The following DOCK8 variants were observed in gnomAD, a reference collection of about 807,000 sequenced individuals.
The protein encoded by DOCK8 is dedicator of cytokinesis protein 8.
Under a neutral mutation model 245.6 loss-of-function variants are expected in DOCK8, and 141 were observed. The ratio of observed to expected loss-of-function variants is 0.57; its 90% confidence interval spans 0.50 to 0.66. The LOEUF (loss-of-function observed/expected upper bound fraction) is 0.66, where lower values mean the gene tolerates loss of function less well. Among genes scored for constraint, DOCK8 ranks in the 30% least tolerant of loss-of-function variants. DOCK8 has a pLI of 0.00. For missense variants in DOCK8, 2,965 were observed against 2,603.4 expected (o/e 1.14, Z -3.02); for synonymous variants, 1,168 against 970.2 (o/e 1.20, Z -3.79).
intron 28 of DOCK8, among the ~76,000 whole-genome samples, chr9:414,405 C>G (rs2055890611): frequency 6.6e-6 from 1 of 152,154 alleles, no homozygotes; most frequent in South Asian, 2.1e-4. Flanking sequence ...AACAGCAGAC[C>G]CAGGGTTAGA....
intron 3 of DOCK8, among the ~76,000 whole-genome samples, chr9:289,206 C>T (rs555755254): frequency 3.2e-4 from 48 of 152,206 alleles, no homozygotes; most frequent in Middle Eastern, 3.4e-3. Flanking sequence ...GTTTTGTATT[C>T]GAATACAGCT....
At chr9:241,763 G>C (rs1194443745) in intron 1 of DOCK8, among the ~76,000 whole-genome samples, 2 of 152,078 alleles carry the variant, frequency 1.3e-5, no homozygotes, top group East Asian at 3.9e-4. Flanking sequence ...AGATCATATG[G>C]TAGTTCTAAT....
At chr9:350,003 C>A (rs770771707) in intron 14 of DOCK8, among the ~76,000 whole-genome samples, 1 of 152,188 alleles carries the variant, frequency 6.6e-6, no homozygotes, top group Non-Finnish European at 1.5e-5. Context: ...CCCCTAACTC[C>A]CATTGTTGAA....
rs115342837 is a variant in DOCK8, at chr9:398,605, C to G, written c.3121-541C>G. ...ATTGGGATTCATGGAGGAATTTACC[C>G]TACGGAGTGAATACACCCTGCGGAG... On this transcript the variant is annotated intron_variant, in intron 25 of 47. Coordinates refer to ENST00000432829, the MANE Select transcript of DOCK8 (RefSeq NM_203447.4). Among the ~76,000 whole-genome samples, 669 of 152,170 alleles carry G rather than the reference C, an allele frequency of 4.4e-3. 4 individuals carry two copies. The highest frequency in any genetic ancestry group is 0.014 in the African/African-American group (587 of 41,506).
chr9:423,749 AT>A (rs1277989951), intron 33 of DOCK8, among the ~76,000 whole-genome samples: 1 of 152,198 alleles, frequency 6.6e-6, no homozygotes, highest in Admixed American at 6.5e-5. Context: ...GAGTCCATAC[AT>A]TCTACTTCGG....
chr9:258,136 G>A (rs1336931091), intron 1 of DOCK8, among the ~76,000 whole-genome samples: 1 of 152,170 alleles, frequency 6.6e-6, no homozygotes, highest in Non-Finnish European at 1.5e-5. Context: ...AAAGAAGGAG[G>A]AAGTTAGGAC....
At chr9:283,070 A>G (rs1000925703) in intron 2 of DOCK8, among the ~76,000 whole-genome samples, 3 of 152,192 alleles carry the variant, frequency 2.0e-5, no homozygotes, top group African/African-American at 7.2e-5. Context: ...TGTTTTGATT[A>G]TTTCAAAATA....
chr9:220,721 T>C (rs989836848), intron 1 of DOCK8: 33 of 412,118 alleles, frequency 8.0e-5, no homozygotes, highest in Non-Finnish European at 1.1e-4. Context: ...TTCTTTCTTT[T>C]TTTTTTTTTT....
At chr9:407,956 G>C (rs547184396) in intron 28 of DOCK8, among the ~76,000 whole-genome samples, 1 of 152,274 alleles carries the variant, frequency 6.6e-6, no homozygotes, top group South Asian at 2.1e-4. Context: ...ATACAGAATT[G>C]CAGGAACTTG....
chr9:400,566 C>T (rs1586914055), intron 26 of DOCK8, among the ~76,000 whole-genome samples: 2 of 43,460 alleles, frequency 4.6e-5, no homozygotes, highest in Non-Finnish European at 7.4e-5. Context: ...TTCACCATCA[C>T]CACCACCACC....
At chr9:214,453 C>CT (rs533654119), upstream of DOCK8, 467 of 1,530,940 alleles carry the variant, frequency 3.1e-4, no homozygotes, top group East Asian at 5.0e-4. Context: ...ACTTTTTTGT[C>CT]TTTTTTTTTG....
rs551539470 is a variant in DOCK8, at chr9:398,539, TA to T, written c.3121-605del. Among the ~76,000 whole-genome samples, 13 of 152,234 alleles carry T rather than the reference TA, an allele frequency of 8.5e-5. No individual in the cohort carries two copies. The East Asian group carries it at 2.5e-3, about 29-fold the overall frequency. On this transcript the variant is annotated intron_variant, in intron 25 of 47. Transcript: ENST00000432829. ...CCTCATAAACAGGAGCACTGAGAAA[TA>T]ATACAAATTAAAAATTTTAAAAATA...
intron 27 of DOCK8, 52 bp from the exon 28 acceptor site, chr9:406,878 A>G: frequency 1.2e-6 from 2 of 1,613,110 alleles, no homozygotes; most frequent in South Asian, 1.1e-5. Flanking sequence ...GGCCATCGCT[A>G]TTTTCATTCC....
intron 14 of DOCK8, among the ~76,000 whole-genome samples, chr9:355,211 T>C (rs551963647): frequency 0.13 from 17,173 of 127,384 alleles, 1,690 homozygotes; most frequent in African/African-American, 0.31. Flanking sequence ...TTTTTTTTTT[T>C]TTTTTTTTTT....
intron 14 of DOCK8, among the ~76,000 whole-genome samples, chr9:356,474 G>A (rs186942006): frequency 2.7e-5 from 4 of 150,456 alleles, no homozygotes; most frequent in African/African-American, 4.9e-5. Flanking sequence ...AGCTTGCAGC[G>A]AGGCGAGATT....
chr9:381,585 A>T (rs1188783930), intron 21 of DOCK8, among the ~76,000 whole-genome samples: 3 of 152,216 alleles, frequency 2.0e-5, no homozygotes, highest in Admixed American at 2.0e-4. Flanking sequence ...TTGCAGGCCC[A>T]AATAAACATG....
At chr9:382,310 C>G (rs181258762) in intron 21 of DOCK8, among the ~76,000 whole-genome samples, 20 of 152,284 alleles carry the variant, frequency 1.3e-4, no homozygotes, top group Admixed American at 2.6e-4. Context: ...ATGATCTCCA[C>G]CACTCCCTGG....
chr9:307,338 GTTTTTTTTTTTTTTT>G (rs1165775428), intron 5 of DOCK8, among the ~76,000 whole-genome samples: 15 of 51,240 alleles, frequency 2.9e-4, no homozygotes, highest in South Asian at 7.3e-4. Flanking sequence ...GGTTTTTTTT[GTTTTTTTTTTTTTTT>G]TTTTTTTTTT....
chr9:249,953 T>C (rs2047609533), intron 1 of DOCK8, among the ~76,000 whole-genome samples: 1 of 152,138 alleles, frequency 6.6e-6, no homozygotes, highest in Non-Finnish European at 1.5e-5. Flanking sequence ...TTACAGCATC[T>C]GGACAATCCC....
Sources: gnomAD v4.1 joint callset for allele counts (sites outside exome capture counted in the v4.1 genomes callset) on GRCh38, gnomAD v4.1.1 for gene constraint, MANE v1.5 for transcripts, NCBI Gene and HGNC (gene_info 2026-07-23, HGNC 2026-07-21) for gene names.